TMPRSS11A: variants seen among roughly 807,000 people sequenced by gnomAD.
TMPRSS11A encodes transmembrane serine protease 11A, also known as transmembrane protease serine 11A.
Under a neutral mutation model 58.9 loss-of-function variants are expected in TMPRSS11A, and 53 were observed. The observed-to-expected ratio is 0.90, with a 90% CI of 0.72 to 1.13. The LOEUF is 1.13. TMPRSS11A is among the 50% of genes most tolerant of loss of function. TMPRSS11A has a pLI of 0.00. For missense variants in TMPRSS11A, 493 were observed against 499.3 expected, an observed-to-expected ratio of 0.99 and a Z score of 0.12; for synonymous variants, 167 against 169.8, an observed-to-expected ratio of 0.98 and a Z score of 0.13.
intron 3 of TMPRSS11A, among the ~76,000 whole-genome samples, chr4:67,934,244 TA>T (rs1394764123): frequency 1.2e-4 from 19 of 152,270 alleles, no homozygotes; most frequent in Admixed American, 6.5e-4. Flanking sequence ...GAGGGACTGG[TA>T]AAAAGAATTC....
chr4:67,937,857 G>A (rs1343915376), intron 3 of TMPRSS11A, among the ~76,000 whole-genome samples: 1 of 152,038 alleles, frequency 6.6e-6, no homozygotes, highest in Admixed American at 6.6e-5. Flanking sequence ...GAATACTGTG[G>A]TAATTAATGT....
intron 3 of TMPRSS11A, among the ~76,000 whole-genome samples, chr4:67,941,700 A>T (rs1438935674): frequency 6.6e-6 from 1 of 152,214 alleles, no homozygotes; most frequent in East Asian, 1.9e-4. Flanking sequence ...TGAATTAAAA[A>T]ACTGAATCTA....
chr4:67,933,796 G>A (rs1184573318), intron 3 of TMPRSS11A, among the ~76,000 whole-genome samples: 4 of 152,166 alleles, frequency 2.6e-5, no homozygotes, highest in Admixed American at 2.6e-4. Context: ...GGAACAGGGA[G>A]AGAAGTGATA....
At position 67,914,703 on chromosome 4, in the gene TMPRSS11A, G is replaced by T; in HGVS notation, c.980C>A (p.Ala327Asp). Residue 327 changes from alanine to aspartate, a missense_variant, in exon 9 of 10, where the codon GCC becomes GAC. Physicochemically the swap from Ala to Asp is moderately radical, Grantham distance 126. Coordinates refer to ENST00000508048, the MANE Select transcript of TMPRSS11A (RefSeq NM_001114387.2). Reference sequence around the variant, plus strand: ...ATCATCACTTATGATTTTCACTCTGGCTTCTCGGAGATCATTTTGGGATTC... The same window carrying T: ...ATCATCACTTATGATTTTCACTCTGTCTTCTCGGAGATCATTTTGGGATTC... Reference protein sequence around the residue: ...GGESQNDLREARVKIISDDVC... With the variant: ...GGESQNDLREDRVKIISDDVC... 1 of 1,612,504 alleles carries T rather than the reference G, an allele frequency of 6.2e-7. No individual in the cohort carries two copies. The highest frequency in any genetic ancestry group is 1.1e-5 in the South Asian group (1 of 90,750).
At chr4:67,917,730 A>G (rs971092613) in intron 8 of TMPRSS11A, among the ~76,000 whole-genome samples, 5 of 152,200 alleles carry the variant, frequency 3.3e-5, no homozygotes, top group Non-Finnish European at 5.9e-5. Flanking sequence ...TTTCTGTGCC[A>G]GTCTCAAACT....
intron 7 of TMPRSS11A, among the ~76,000 whole-genome samples, chr4:67,920,423 T>A (rs1560564164): frequency 6.6e-6 from 1 of 151,486 alleles, no homozygotes; most frequent in Non-Finnish European, 1.5e-5. Context: ...ATTTAGTTAT[T>A]GGAAGCATAT....
At position 67,919,170 on chromosome 4, in the gene TMPRSS11A, T is replaced by G. The variant is rs771267124; in HGVS notation, c.755A>C (p.Lys252Thr). The G allele has an allele frequency of 3.7e-6, 6 of 1,614,172 alleles. No individual in the cohort carries two copies. Among genetic ancestry groups the G allele is most frequent in the Non-Finnish European group, 5.1e-6 (6 of 1,180,010 alleles). ...FGTKINPPLM[K>T]RNVRRFIIHE... is the part of the protein sequence containing the mutation. The stretch of plus-strand genomic sequence containing the variant: ...GATAATAAATCTTCTGACATTTCTT[T>G]TCATTAAGGGAGGGTTGATTTTTGT... The change falls in exon 8 of 10, where the codon AAA (lysine) becomes ACA (threonine). Residue 252 changes from lysine to threonine, a missense_variant. Physicochemically the swap from Lys to Thr is moderately conservative, Grantham distance 78 (BLOSUM62 -1). Transcript: ENST00000508048.
chr4:67,914,767 C>A, intron 8 of TMPRSS11A, 37 bp from the exon 9 acceptor site: 1 of 1,584,308 alleles, frequency 6.3e-7, no homozygotes, highest in South Asian at 1.1e-5. Context: ...TATTTACAAT[C>A]AGCATCTTTG....
At chr4:67,923,442 G>T (rs114972646) in intron 6 of TMPRSS11A, among the ~76,000 whole-genome samples, 1 of 152,090 alleles carries the variant, frequency 6.6e-6, no homozygotes, top group Non-Finnish European at 1.5e-5. Flanking sequence ...CAAAATTTAG[G>T]CCACAGTGAT....
rs77773544 is a variant in TMPRSS11A at position 67,927,704 on chromosome 4, A to G, written c.481+2176T>C. ...TCTGGCCAGAAAAGCAACACCCCCT[A>G]GGCTCCCATATCACTAACAAACACT... On this transcript the variant is annotated intron_variant, in intron 5 of 9. Coordinates refer to ENST00000508048, the MANE Select transcript of TMPRSS11A (RefSeq NM_001114387.2). 9.0e-3 allele frequency among the ~76,000 whole-genome samples: 1,367 copies of G among 152,286 alleles called. 20 individuals carry two copies. The highest frequency in any genetic ancestry group is 0.031 in the African/African-American group (1,277 of 41,568).
rs752525009 is a variant in TMPRSS11A, at chr4:67,909,760, AG to A, written c.*1581del. 1 of 152,118 alleles carries A rather than the reference AG, an allele frequency of 6.6e-6. No homozygotes were observed. The highest frequency in any genetic ancestry group is 2.4e-5 in the African/African-American group (1 of 41,450). 9.4% of individuals were successfully genotyped at this position (152,118 alleles called of 1,614,324 possible). ...ACAGATCTGATGATTCAATAAAAAT[AG>A]TTAAGAATTCAATAAAAATAGTTAA... On this transcript the variant is annotated 3_prime_UTR_variant, in exon 10 of 10. Coordinates refer to ENST00000508048, the MANE Select transcript of TMPRSS11A (RefSeq NM_001114387.2).
chr4:67,938,235 A>G (rs1392612352), intron 3 of TMPRSS11A, among the ~76,000 whole-genome samples: 2 of 152,074 alleles, frequency 1.3e-5, no homozygotes, highest in Non-Finnish European at 2.9e-5. Flanking sequence ...TTCTTTGCCT[A>G]CTTTTTAATG....
intron 7 of TMPRSS11A, 78 bp downstream of exon 7, chr4:67,922,677 A>T: frequency 7.2e-7 from 1 of 1,392,528 alleles, no homozygotes; most frequent in Non-Finnish European, 9.9e-7. Flanking sequence ...TATTTGAGAC[A>T]TTAATTGTTA....
In TMPRSS11A at chr4:67,963,485, C is replaced by A; in HGVS notation, c.-92G>T. ...TGACATCTCTAGATGTATTAGAAGT[C>A]TACGGCTCAAAGAAATAAGGAAACA... On this transcript the variant is annotated 5_prime_UTR_variant, in exon 1 of 10. Transcript: ENST00000508048. The A allele has an allele frequency of 1.4e-6, 2 of 1,402,564 alleles. No homozygotes were observed. The highest frequency in any genetic ancestry group is 2.5e-5 in the South Asian group (2 of 80,656). 86.9% of individuals were successfully genotyped at this position (1,402,564 alleles called of 1,614,324 possible). A position where few individuals can be genotyped will look rare whatever the true frequency, so the allele number is the denominator to read the frequency against.
At chr4:67,920,787 G>A (rs960693516) in intron 7 of TMPRSS11A, among the ~76,000 whole-genome samples, 7 of 151,478 alleles carry the variant, frequency 4.6e-5, no homozygotes, top group Admixed American at 3.3e-4. Flanking sequence ...AGCACTCTTC[G>A]GTATAGCAAA....
rs1719978012 is a variant in TMPRSS11A at position 67,911,454 on chromosome 4, T to C, written c.1145A>G (p.Tyr382Cys). 6.2e-7 allele frequency: 1 copy of C among 1,613,406 alleles called. No individual in the cohort carries two copies. Residue 382 changes from tyrosine (Y) to cysteine (C), a missense_variant, in exon 10 of 10, where the codon TAT becomes TGT. Physicochemically the swap from Tyr to Cys is radical, Grantham distance 194. Coordinates refer to ENST00000508048, the MANE Select transcript of TMPRSS11A (RefSeq NM_001114387.2). ...TCCCCAGCTTACAATTCCAATGAGA[T>C]ACCACGTATCTTTCAGATCCCTTGT... is the stretch of plus-strand genomic sequence containing the variant. ...LVTRDLKDTW[Y>C]LIGIVSWGDN...
At chr4:67,946,593 T>A in intron 1 of TMPRSS11A, 22 bp from the exon 2 acceptor site, 1 of 1,602,182 alleles carries the variant, frequency 6.2e-7, no homozygotes. Flanking sequence ...AAGGGCCCAC[T>A]GGTTACTCTC....
At chr4:67,961,073 C>CA (rs1487540337) in intron 1 of TMPRSS11A, among the ~76,000 whole-genome samples, 6 of 152,180 alleles carry the variant, frequency 3.9e-5, no homozygotes, top group South Asian at 4.2e-4. Flanking sequence ...AGATTCACAC[C>CA]AAAACAGAAA....
intron 8 of TMPRSS11A, among the ~76,000 whole-genome samples, chr4:67,917,823 T>G (rs572308464): frequency 6.6e-6 from 1 of 152,158 alleles, no homozygotes; most frequent in Non-Finnish European, 1.5e-5. Flanking sequence ...GCAAGCCCTA[T>G]CTTCAGAGAA....
Sources: gnomAD v4.1 joint callset for allele counts (sites outside exome capture counted in the v4.1 genomes callset) on GRCh38, gnomAD v4.1.1 for gene constraint, MANE v1.5 for transcripts, NCBI Gene and HGNC (gene_info 2026-07-23, HGNC 2026-07-21) for gene names.